FBXO43: variants seen among roughly 807,000 people sequenced by gnomAD.
The protein encoded by FBXO43 is F-box only protein 43.
Under a neutral mutation model 56.7 loss-of-function variants are expected in FBXO43, and 22 were observed. The observed-to-expected ratio is 0.39, with a 90% CI of 0.28 to 0.55. The LOEUF is 0.55. Among genes scored for constraint, FBXO43 ranks in the 20% least tolerant of loss-of-function variants. FBXO43 has a pLI of 0.66. For missense variants in FBXO43, 733 were observed against 814.9 expected (o/e 0.90, Z 1.22); for synonymous variants, 306 against 294.5 (o/e 1.04, Z -0.40).
intron 2 of FBXO43, among the ~76,000 whole-genome samples, chr8:100,138,182 T>C (rs1814530636): frequency 6.6e-6 from 1 of 152,214 alleles, no homozygotes; most frequent in African/African-American, 2.4e-5. Flanking sequence ...CCAAAGTTTA[T>C]GAATATGAAG....
In FBXO43 at chr8:100,142,088, T is replaced by C. The variant is rs762562629; in HGVS notation, c.166A>G (p.Ile56Val). The C allele has an allele frequency of 1.9e-5, 30 of 1,613,362 alleles. No homozygotes were observed. The Admixed American group carries it at 2.3e-4, about 13-fold the overall frequency. ...EAGNGADSPP[I>V]VNSKYSTFRD... Reference sequence around the variant, plus strand: ...AAGGTGGAGTACTTGGAGTTGACAATTGGAGGAGAGTCCGCCCCATTTCCT... The same window carrying C: ...AAGGTGGAGTACTTGGAGTTGACAACTGGAGGAGAGTCCGCCCCATTTCCT... Residue 56 changes from isoleucine (I) to valine (V), a missense_variant, in exon 2 of 5, where the codon ATT becomes GTT. Ile to Val is a conservative substitution (Grantham distance 29). Transcript: ENST00000428847.
At chr8:100,134,097 A>C in intron 4 of FBXO43, 47 bp from the exon 5 acceptor site, 1 of 1,605,150 alleles carries the variant, frequency 6.2e-7, no homozygotes, top group South Asian at 1.1e-5. Flanking sequence ...CATATAGAGG[A>C]GCACTTTATT....
intron 2 of FBXO43, among the ~76,000 whole-genome samples, chr8:100,139,538 T>C (rs1282747484): frequency 6.6e-6 from 1 of 152,190 alleles, no homozygotes. Context: ...TCCATAACCA[T>C]CATCTTGCAG....
rs1453321793 is a variant in FBXO43, at chr8:100,133,355, A to G, written c.*447T>C. ...AGACTGAAATTATAGAATAAATTCA[A>G]TAGAACTTCTGAAAATATTTTATTT... is the stretch of plus-strand genomic sequence containing the variant. On this transcript the variant is annotated 3_prime_UTR_variant, in exon 5 of 5. Coordinates refer to ENST00000428847, the MANE Select transcript of FBXO43 (RefSeq NM_001029860.4). 1.3e-5 allele frequency: 2 copies of G among 152,480 alleles called. No homozygotes were observed. The highest frequency in any genetic ancestry group is 2.1e-4 in the South Asian group (1 of 4,836). The allele number at this position is 152,480 out of a possible 1,614,324, so 9.4% of individuals were successfully genotyped here.
chr8:100,150,207 C>A (rs1814893638), upstream of FBXO43, among the ~76,000 whole-genome samples: 1 of 152,238 alleles, frequency 6.6e-6, no homozygotes, highest in South Asian at 2.1e-4. Context: ...AGCTGCCCCA[C>A]TGCCCCAGTA....
chr8:100,139,458 A>C (rs1814572174), intron 2 of FBXO43, among the ~76,000 whole-genome samples: 2 of 152,178 alleles, frequency 1.3e-5, no homozygotes, highest in African/African-American at 4.8e-5. Flanking sequence ...AAAAAAACCA[A>C]GGACCCTGTA....
In FBXO43 at chr8:100,139,883, C is replaced by T. The variant is rs1012172737; in HGVS notation, c.1571+800G>A. Among the ~76,000 whole-genome samples, 7 of 152,236 alleles carry T rather than the reference C, an allele frequency of 4.6e-5. No individual in the cohort carries two copies. In the East Asian group the frequency reaches 7.7e-4, roughly 17 times the overall value. On this transcript the variant is annotated intron_variant, in intron 2 of 4. Transcript: ENST00000428847. ...GATCAAACCCTAAAATGAAAGCTAA[C>T]GATTGTTTTTAAATTCTAGAACTTA...
Position 100,142,096 on chromosome 8 carries a change from G to A in FBXO43, c.158C>T (p.Ser53Phe). The A allele has an allele frequency of 6.2e-7, 1 of 1,611,874 alleles. No individual in the cohort carries two copies. The highest frequency in any genetic ancestry group is 1.3e-5 in the African/African-American group (1 of 74,910). ...GTACTTGGAGTTGACAATTGGAGGA[G>A]AGTCCGCCCCATTTCCTGCTTCAGT... Reference protein sequence around the residue: ...AGTEAGNGADSPPIVNSKYST... With the variant: ...AGTEAGNGADFPPIVNSKYST... Residue 53 changes from serine (S) to phenylalanine (F), a missense_variant, in exon 2 of 5, where the codon TCT (serine) becomes TTT (phenylalanine). Ser to Phe is a radical substitution (Grantham distance 155). Transcript: ENST00000428847.
chr8:100,136,227 A>G (rs1198487434), intron 3 of FBXO43, among the ~76,000 whole-genome samples: 2 of 152,228 alleles, frequency 1.3e-5, no homozygotes, highest in Non-Finnish European at 2.9e-5. Context: ...CTTTTCTTCA[A>G]AATAAAAAAG....
In FBXO43 at chr8:100,133,735, C is replaced by T. The variant is rs1814378013; in HGVS notation, c.*67G>A. 2 of 1,479,518 alleles carry T rather than the reference C, an allele frequency of 1.4e-6. No individual in the cohort carries two copies. Among genetic ancestry groups the T allele is most frequent in the Non-Finnish European group, 1.8e-6 (2 of 1,101,290 alleles). 91.6% of individuals were successfully genotyped at this position (1,479,518 alleles called of 1,614,324 possible). ...ATTAATGGGAAGATTTGCATGTATT[C>T]AAAATATTCATAATTTTAAGTCAGA... is the stretch of plus-strand genomic sequence containing the variant. On this transcript the variant is annotated 3_prime_UTR_variant, in exon 5 of 5. Transcript: ENST00000428847.
At chr8:100,150,249 G>GA (rs1197166792), upstream of FBXO43, among the ~76,000 whole-genome samples, 1 of 152,188 alleles carries the variant, frequency 6.6e-6, no homozygotes, top group African/African-American at 2.4e-5. Context: ...AAACAATCTG[G>GA]AAAAGTGTTT....
intron 1 of FBXO43, 119 bp downstream of exon 1, chr8:100,144,929 CAAA>C (rs201867301): frequency 2.6e-4 from 242 of 920,990 alleles, no homozygotes; most frequent in South Asian, 4.2e-4. Context: ...GACTCCGTCT[CAAA>C]AAAAAAAAAA....
At chr8:100,144,052 C>T (rs1277665824) in intron 1 of FBXO43, among the ~76,000 whole-genome samples, 1 of 152,206 alleles carries the variant, frequency 6.6e-6, no homozygotes, top group African/African-American at 2.4e-5. Flanking sequence ...GGATTACAGG[C>T]AATAGCCAAC....
At chr8:100,148,693 G>A (rs187942906), upstream of FBXO43, among the ~76,000 whole-genome samples, 7 of 152,336 alleles carry the variant, frequency 4.6e-5, no homozygotes, top group South Asian at 2.1e-4. Context: ...GATTACAGGC[G>A]TGAGCCACGG....
At chr8:100,139,235 T>C (rs532592034) in intron 2 of FBXO43, among the ~76,000 whole-genome samples, 10 of 152,220 alleles carry the variant, frequency 6.6e-5, no homozygotes, top group Non-Finnish European at 2.9e-5. Flanking sequence ...TTCTCTATAA[T>C]AGACATACAA....
Position 100,141,607 on chromosome 8 carries a change from ACTT to A in FBXO43, c.644_646del (p.Glu215del), listed in dbSNP as rs768812568. On this transcript the variant is annotated inframe_deletion, in exon 2 of 5. Transcript: ENST00000428847. ...CCTCAATTTTTGACTGCATGAAGTCACTTCTTCTGTTTTTAAAGTGCTAGTAAC... is the reference window on the plus strand; with the variant it reads ...CCTCAATTTTTGACTGCATGAAGTCACTTCTGTTTTTAAAGTGCTAGTAAC... The A allele has an allele frequency of 1.4e-5, 23 of 1,612,682 alleles. No homozygotes were observed. In the African/African-American group the frequency reaches 2.1e-4, roughly 15 times the overall value.
intron 1 of FBXO43, among the ~76,000 whole-genome samples, chr8:100,143,655 A>G (rs1307764227): frequency 6.6e-6 from 1 of 152,252 alleles, no homozygotes; most frequent in African/African-American, 2.4e-5. Context: ...AAATAAGTAG[A>G]ATGCATATTA....
At chr8:100,139,996 T>C (rs1814587610) in intron 2 of FBXO43, among the ~76,000 whole-genome samples, 1 of 152,246 alleles carries the variant, frequency 6.6e-6, no homozygotes, top group African/African-American at 2.4e-5. Context: ...ATAACTTTAA[T>C]ACTGCTTGCA....
At chr8:100,135,922 C>CTTT (rs201498178) in intron 3 of FBXO43, among the ~76,000 whole-genome samples, 8 of 149,270 alleles carry the variant, frequency 5.4e-5, no homozygotes, top group African/African-American at 1.7e-4. Flanking sequence ...GAGACTATTT[C>CTTT]TTTTCTTTTT....
Sources: gnomAD v4.1 joint callset for allele counts (sites outside exome capture counted in the v4.1 genomes callset) on GRCh38, gnomAD v4.1.1 for gene constraint, MANE v1.5 for transcripts, NCBI Gene and HGNC (gene_info 2026-07-23, HGNC 2026-07-21) for gene names.